Variants in SIL1 observed in about 807,000 individuals in gnomAD.
SIL1 encodes nucleotide exchange factor SIL1.
A neutral mutation model predicts 49.1 loss-of-function variants in SIL1; 40 were observed. The ratio of observed to expected loss-of-function variants is 0.81; its 90% CI spans 0.63 to 1.06. The LOEUF (loss-of-function observed/expected upper bound fraction) is 1.06, where lower values mean the gene tolerates loss of function less well. Ranked by LOEUF, SIL1 falls within the 50% of genes least tolerant of loss-of-function variation. The probability of loss-of-function intolerance (pLI) is 0.00; values close to 1 mark genes in which losing one functional copy is unlikely to be tolerated. For missense variants in SIL1, 500 were observed against 572.6 expected (o/e 0.87, Z 1.29); for synonymous variants, 253 against 250.8 (o/e 1.01, Z -0.08).
intron 7 of SIL1, among the ~76,000 whole-genome samples, chr5:138,983,198 CAAAAAAAAA>C (rs33926268): frequency 3.6e-5 from 1 of 28,102 alleles, no homozygotes; most frequent in Non-Finnish European, 5.8e-5. Flanking sequence ...GACACTGTCT[CAAAAAAAAA>C]AAAAAAAAAA....
chr5:138,998,088 G>A (rs1767908891), intron 7 of SIL1, among the ~76,000 whole-genome samples: 1 of 152,166 alleles, frequency 6.6e-6, no homozygotes, highest in African/African-American at 2.4e-5. Flanking sequence ...TCCTATCCAT[G>A]AGCACGGAAA....
At chr5:139,068,291 T>C (rs1180420193) in intron 3 of SIL1, among the ~76,000 whole-genome samples, 1 of 152,196 alleles carries the variant, frequency 6.6e-6, no homozygotes, top group Non-Finnish European at 1.5e-5. Context: ...AAGTAGCTGA[T>C]AGGCATTCAC....
chr5:139,035,195 T>C (rs757587705), intron 5 of SIL1: 2 of 405,726 alleles, frequency 4.9e-6, no homozygotes, highest in Non-Finnish European at 4.8e-6. Flanking sequence ...TCATCTATGA[T>C]GTCATGAGGT....
At chr5:139,038,125 T>C (rs1369181703) in intron 5 of SIL1, among the ~76,000 whole-genome samples, 1 of 152,190 alleles carries the variant, frequency 6.6e-6, no homozygotes. Flanking sequence ...CTTCCAAAGG[T>C]CCCACCTCCA....
intron 3 of SIL1, among the ~76,000 whole-genome samples, chr5:139,055,711 CT>C (rs1769396995): frequency 2.0e-5 from 3 of 148,414 alleles, no homozygotes; most frequent in Admixed American, 6.7e-5. Flanking sequence ...CGGTCTCCCT[CT>C]GATGCCTAGC....
intron 3 of SIL1, among the ~76,000 whole-genome samples, chr5:139,087,442 G>A (rs573950364): frequency 1.3e-5 from 2 of 152,268 alleles, no homozygotes; most frequent in Admixed American, 6.5e-5. Flanking sequence ...TACTTAGGAG[G>A]CGGAGGCGGG....
At chr5:139,002,202 A>C (rs1229804268) in intron 7 of SIL1, among the ~76,000 whole-genome samples, 1 of 150,490 alleles carries the variant, frequency 6.6e-6, no homozygotes, top group Non-Finnish European at 1.5e-5. Context: ...AAAAGTGAGA[A>C]CCTGTCTCAA....
chr5:139,139,808 G>A (rs1461628754), intron 1 of SIL1, among the ~76,000 whole-genome samples: 1 of 151,978 alleles, frequency 6.6e-6, no homozygotes, highest in Non-Finnish European at 1.5e-5. Flanking sequence ...CCAACATGGT[G>A]AAACCTCATC....
intron 3 of SIL1, among the ~76,000 whole-genome samples, chr5:139,074,995 T>C (rs1769916684): frequency 6.6e-6 from 1 of 152,144 alleles, no homozygotes; most frequent in South Asian, 2.1e-4. Context: ...TAGCTGATTT[T>C]TGTATTTTTA....
chr5:139,121,197 T>A, intron 2 of SIL1, 24 bp from the exon 3 acceptor site: 1 of 1,613,914 alleles, frequency 6.2e-7, no homozygotes, highest in South Asian at 1.1e-5. Flanking sequence ...ACACAGGGCA[T>A]GACCCACTGC....
intron 3 of SIL1, among the ~76,000 whole-genome samples, chr5:139,089,591 A>G (rs1336007752): frequency 6.6e-6 from 1 of 152,256 alleles, no homozygotes; most frequent in Non-Finnish European, 1.5e-5. Flanking sequence ...ATACAATGGT[A>G]TCTCCATACA....
At chr5:139,019,816 T>C (rs1213433016) in intron 7 of SIL1, among the ~76,000 whole-genome samples, 6 of 152,038 alleles carry the variant, frequency 3.9e-5, no homozygotes, top group Non-Finnish European at 8.8e-5. Context: ...TACTCGGGAG[T>C]AAGGCAAAGA....
At chr5:139,110,082 T>C (rs774980040) in intron 3 of SIL1, among the ~76,000 whole-genome samples, 2 of 151,782 alleles carry the variant, frequency 1.3e-5, no homozygotes, top group East Asian at 3.9e-4. Context: ...GGCAGGAGAA[T>C]TGCTTGAACC....
chr5:138,954,220 C>T (rs568419978), intron 7 of SIL1, among the ~76,000 whole-genome samples: 38 of 152,314 alleles, frequency 2.5e-4, no homozygotes, highest in Non-Finnish European at 4.6e-4. Flanking sequence ...ATAAGTAAAT[C>T]GGAGAGAAAA....
At chr5:139,090,010 C>A (rs1475870230) in intron 3 of SIL1, among the ~76,000 whole-genome samples, 1 of 152,100 alleles carries the variant, frequency 6.6e-6, no homozygotes, top group East Asian at 1.9e-4. Context: ...CCCTAGACCT[C>A]TTCTGGGTAG....
intron 3 of SIL1, among the ~76,000 whole-genome samples, chr5:139,059,221 G>C (rs985283930): frequency 6.6e-6 from 1 of 152,072 alleles, no homozygotes; most frequent in Non-Finnish European, 1.5e-5. Flanking sequence ...TAAATCATGG[G>C]GGTGGGTCTT....
At chr5:139,140,765 G>A (rs1004197408) in intron 1 of SIL1, among the ~76,000 whole-genome samples, 1 of 152,138 alleles carries the variant, frequency 6.6e-6, no homozygotes, top group African/African-American at 2.4e-5. Context: ...GACAATTAAG[G>A]AGCAGAGGAT....
Position 139,021,086 on chromosome 5 carries a change from C to A in SIL1, c.767+85G>T, listed in dbSNP as rs10077796. The A allele has an allele frequency of 0.38, 598,087 of 1,567,538 alleles. 121,325 individuals carry two copies. The highest frequency in any genetic ancestry group is 0.76 in the African/African-American group (56,123 of 74,010). ...TGAGATGACACTGAAATGTCAGTAG[C>A]AACAGGCACATTCAAGTGTACCCTT... is the stretch of plus-strand genomic sequence containing the variant. On this transcript the variant is annotated intron_variant, in intron 7 of 9. Coordinates refer to ENST00000394817, the MANE Select transcript of SIL1 (RefSeq NM_022464.5).
intron 5 of SIL1, among the ~76,000 whole-genome samples, chr5:139,029,705 G>T (rs1768743519): frequency 6.6e-6 from 1 of 151,628 alleles, no homozygotes; most frequent in African/African-American, 2.4e-5. Context: ...TCGCCATGTT[G>T]CCCAGGCTGG....
Sources: gnomAD v4.1 joint callset for allele counts (sites outside exome capture counted in the v4.1 genomes callset) on GRCh38, gnomAD v4.1.1 for gene constraint, MANE v1.5 for transcripts, NCBI Gene and HGNC (gene_info 2026-07-23, HGNC 2026-07-21) for gene names.